NEB: variants seen among roughly 807,000 people sequenced by gnomAD.
The protein encoded by NEB is nemaline myopathy type 2.
In NEB, 512 loss-of-function variants were observed where a neutral mutation model predicts 952.2. The ratio of observed to expected loss-of-function variants is 0.54; its 90% CI spans 0.50 to 0.58. The LOEUF is 0.58. NEB is among the 20% of genes least tolerant of loss of function. The probability of loss-of-function intolerance (pLI) is 0.00; values close to 1 mark genes in which losing one functional copy is unlikely to be tolerated. For synonymous variants in NEB, 2,900 were observed against 3,149.8 expected (o/e 0.92, Z 2.66); for missense variants, 8,428 against 9,231.1 (o/e 0.91, Z 3.56).
At chr2:151,674,674 GGAATCCCT>G (rs1320027459) in intron 35 of NEB, 90 bp from the exon 36 acceptor site, 22 of 954,392 alleles carry the variant, frequency 2.3e-5, no homozygotes, top group Non-Finnish European at 3.4e-5. Flanking sequence ...AGAAGTTGAA[GGAATCCCT>G]CATAGCACAT....
chr2:151,609,519 C>A (rs1457441105), intron 81 of NEB, among the ~76,000 whole-genome samples: 4 of 152,096 alleles, frequency 2.6e-5, no homozygotes, highest in Non-Finnish European at 5.9e-5. Context: ...CCATTTTAAT[C>A]CTGTGGCAAT....
intron 168 of NEB, 108 bp from the exon 169 acceptor site, chr2:151,499,498 A>C (rs1376674047): frequency 1.5e-6 from 1 of 659,222 alleles, no homozygotes; most frequent in Admixed American, 2.4e-5. Context: ...GACAGAAAAG[A>C]CAGATTCAAC....
At chr2:151,630,627 C>T in intron 67 of NEB, 88 bp downstream of exon 67, 2 of 1,010,004 alleles carry the variant, frequency 2.0e-6, no homozygotes, top group East Asian at 5.3e-5. Context: ...GAGCCACATG[C>T]ACCATGACAG....
intron 33 of NEB, 46 bp downstream of exon 33, chr2:151,677,830 C>T: frequency 6.2e-7 from 1 of 1,608,950 alleles, no homozygotes; most frequent in South Asian, 1.1e-5. Flanking sequence ...TCATGGCAGG[C>T]TCTGAACTTA....
At chr2:151,629,476 T>C in intron 68 of NEB, 63 bp downstream of exon 68, 1 of 1,326,580 alleles carries the variant, frequency 7.5e-7, no homozygotes, top group Non-Finnish European at 1.1e-6. Context: ...AATGTTATAA[T>C]AGTAATAATC....
intron 162 of NEB, 199 bp downstream of exon 162, chr2:151,507,804 CAG>C (rs1426608474): frequency 2.8e-5 from 15 of 541,996 alleles, no homozygotes; most frequent in Non-Finnish European, 4.6e-5. Flanking sequence ...AACGAAGTAA[CAG>C]ATGAGTCTTT....
chr2:151,672,746 C>A lies in NEB; in HGVS notation c.3988-66G>T, dbSNP rs565559334. On this transcript the variant is annotated intron_variant, in intron 36 of 181. Coordinates refer to ENST00000397345, the MANE Select transcript of NEB (RefSeq NM_001164508.2). ...ATAGCATTAGCGCTGCAATTACATT[C>A]ACATATAAAGACACTCAGAGCTTTG... 41 of 1,375,120 alleles carry A rather than the reference C, an allele frequency of 3.0e-5. No individual in the cohort carries two copies. The African/African-American group carries it at 5.5e-4, about 18-fold the overall frequency. The allele number at this position is 1,375,120 out of a possible 1,614,324, so 85.2% of individuals were successfully genotyped here.
chr2:151,577,066 A>G (rs1042358788), intron 105 of NEB, among the ~76,000 whole-genome samples: 1 of 152,218 alleles, frequency 6.6e-6, no homozygotes, highest in African/African-American at 2.4e-5. Flanking sequence ...TACCATTACC[A>G]ATGCAGACTT....
chr2:151,680,775 A>G lies in NEB; in HGVS notation c.2997T>C (p.Ala999=). 1 of 1,613,454 alleles carries G rather than the reference A, an allele frequency of 6.2e-7. No individual in the cohort carries two copies. The highest frequency in any genetic ancestry group is 8.5e-7 in the Non-Finnish European group (1 of 1,179,470). The part of the protein sequence containing the change: ...DTLKFTSIED[A]PITVQSKINQ... Reference sequence around the variant, plus strand: ...TAATTTTAGACTGTACTGTAATTGGAGCATCTTCAATCGAGGTAAACTTGA... The same window carrying G: ...TAATTTTAGACTGTACTGTAATTGGGGCATCTTCAATCGAGGTAAACTTGA... The change falls in exon 30 of 182, where the codon GCT becomes GCC. Residue 999 remains alanine, a synonymous_variant. Transcript: ENST00000397345.
intron 73 of NEB, 88 bp downstream of exon 73, chr2:151,619,363 A>C (rs1224585344): frequency 7.7e-7 from 1 of 1,304,624 alleles, no homozygotes; most frequent in Non-Finnish European, 1.1e-6. Context: ...ATATACAAAC[A>C]AATTGCAGTT....
intron 12 of NEB, 109 bp downstream of exon 12, chr2:151,709,547 C>T: frequency 2.6e-6 from 2 of 770,002 alleles, no homozygotes; most frequent in South Asian, 1.8e-5. Context: ...CTGGTAGTTC[C>T]CCCAAGAACC....
At chr2:151,716,788 G>T (rs561112290) in intron 10 of NEB, among the ~76,000 whole-genome samples, 2 of 152,294 alleles carry the variant, frequency 1.3e-5, no homozygotes, top group East Asian at 1.9e-4. Flanking sequence ...TTTAAAAGCA[G>T]CAGTATCCCA....
intron 20 of NEB, among the ~76,000 whole-genome samples, chr2:151,692,795 C>A (rs938592673): frequency 3.3e-5 from 5 of 152,106 alleles, no homozygotes; most frequent in Admixed American, 3.3e-4. Flanking sequence ...TGTGGTAAAA[C>A]CCCGTCTCTA....
chr2:151,505,214 T>A (rs2067870380), intron 165 of NEB, among the ~76,000 whole-genome samples: 1 of 152,134 alleles, frequency 6.6e-6, no homozygotes, highest in African/African-American at 2.4e-5. Flanking sequence ...GGCATGATAA[T>A]TAATTAAGAA....
intron 156 of NEB, among the ~76,000 whole-genome samples, 194 bp downstream of exon 156, chr2:151,518,124 G>T (rs2079215044): frequency 2.0e-5 from 3 of 152,120 alleles, no homozygotes; most frequent in Non-Finnish European, 4.4e-5. Context: ...ATAATTGCAT[G>T]TATATTTCTC....
chr2:151,527,580 G>A lies in NEB; in HGVS notation c.21741C>T (p.Asp7247=), dbSNP rs1462775059. Residue 7247 remains aspartate (D), a synonymous_variant, in exon 147 of 182, where the codon GAC becomes GAT. Coordinates refer to ENST00000397345, the MANE Select transcript of NEB (RefSeq NM_001164508.2). ...KDAYKVNTNL[D]YKKQYEANKA... ...TGTTGGCTTCGTACTGTTTCTTATA[G>A]TCCAGCTGTTTTTAACAGGAGAGAA... 17 of 1,610,560 alleles carry A rather than the reference G, an allele frequency of 1.1e-5. No homozygotes were observed. Among genetic ancestry groups the A allele is most frequent in the Non-Finnish European group, 1.4e-5 (17 of 1,178,082 alleles).
intron 30 of NEB, 23 bp from the exon 31 acceptor site, chr2:151,680,045 A>G: frequency 2.0e-6 from 3 of 1,503,368 alleles, no homozygotes; most frequent in Non-Finnish European, 2.8e-6. Context: ...AAAATGCATA[A>G]ACAAACAAAT....
chr2:151,708,782 C>A (rs2099734948), intron 12 of NEB, among the ~76,000 whole-genome samples: 1 of 152,200 alleles, frequency 6.6e-6, no homozygotes, highest in Non-Finnish European at 1.5e-5. Context: ...AAATTACCAA[C>A]TTCTTCCATA....
At chr2:151,631,419 A>G (rs2098664948) in intron 65 of NEB, 73 bp from the exon 66 acceptor site, 1 of 1,454,372 alleles carries the variant, frequency 6.9e-7, no homozygotes, top group East Asian at 2.3e-5. Flanking sequence ...AAATAGAATC[A>G]GTAATAAAGT....
Sources: allele counts gnomAD v4.1 joint callset (sites outside exome capture counted in the v4.1 genomes callset), GRCh38; gene constraint gnomAD v4.1.1; transcripts MANE v1.5; gene names NCBI Gene and HGNC (gene_info 2026-07-23, HGNC 2026-07-21).